Variants in EBPL observed in about 807,000 individuals in gnomAD.
The protein encoded by EBPL is EBP like.
A neutral mutation model predicts 19.0 loss-of-function variants in EBPL; 20 were observed. That is an observed-to-expected ratio of 1.05 (90% confidence interval 0.74 to 1.53). The LOEUF (loss-of-function observed/expected upper bound fraction) is 1.53, where lower values mean the gene tolerates loss of function less well. EBPL is among the 40% of genes most tolerant of loss of function. The pLI, the probability that EBPL is intolerant of heterozygous loss-of-function variation, is 0.00. For missense variants in EBPL, 219 were observed against 261.1 expected, an observed-to-expected ratio of 0.84 and a Z score of 1.11; for synonymous variants, 107 against 117.0, an observed-to-expected ratio of 0.91 and a Z score of 0.55.
chr13:49,676,451 G>A (rs1375967092), intron 1 of EBPL, among the ~76,000 whole-genome samples: 1 of 152,120 alleles, frequency 6.6e-6, no homozygotes, highest in Non-Finnish European at 1.5e-5. Flanking sequence ...AATTAGCCGG[G>A]CGTGGTGGCG....
chr13:49,688,855 C>G (rs903338599), intron 1 of EBPL, among the ~76,000 whole-genome samples: 23 of 151,920 alleles, frequency 1.5e-4, no homozygotes, highest in Non-Finnish European at 2.9e-4. Context: ...TCTGGGTATT[C>G]TTGCAATAAA....
intron 1 of EBPL, among the ~76,000 whole-genome samples, chr13:49,673,574 T>C (rs568954394): frequency 6.6e-6 from 1 of 152,084 alleles, no homozygotes; most frequent in Non-Finnish European, 1.5e-5. Flanking sequence ...GTAGCTGGGA[T>C]TACAGGAATG....
chr13:49,683,689 TAAA>T (rs1250840813), intron 1 of EBPL, among the ~76,000 whole-genome samples: 1 of 152,070 alleles, frequency 6.6e-6, no homozygotes, highest in East Asian at 1.9e-4. Context: ...AAAACAAAAG[TAAA>T]AAACACAAAA....
At chr13:49,678,369 C>A (rs549028330) in intron 1 of EBPL, among the ~76,000 whole-genome samples, 1 of 152,342 alleles carries the variant, frequency 6.6e-6, no homozygotes, top group East Asian at 1.9e-4. Context: ...TCGGACAGGT[C>A]GCTGCGGAGC....
chr13:49,671,984 C>T (rs904807181), intron 1 of EBPL, among the ~76,000 whole-genome samples: 1 of 152,048 alleles, frequency 6.6e-6, no homozygotes, highest in Admixed American at 6.5e-5. Flanking sequence ...GCCCTAACCC[C>T]CTTCTTCAAG....
chr13:49,688,718 CAAAAAAAAAAAA>C (rs56059575), intron 1 of EBPL, among the ~76,000 whole-genome samples: 1 of 95,446 alleles, frequency 1.0e-5, no homozygotes, highest in Admixed American at 1.2e-4. Context: ...GACTCCGTCT[CAAAAAAAAAAAA>C]AAAAAAAAAG....
intron 1 of EBPL, among the ~76,000 whole-genome samples, chr13:49,678,883 G>C (rs1307036515): frequency 6.6e-6 from 1 of 151,480 alleles, no homozygotes; most frequent in Non-Finnish European, 1.5e-5. Flanking sequence ...TGGGTGGCAC[G>C]CGCCTGTATT....
intron 1 of EBPL, among the ~76,000 whole-genome samples, chr13:49,690,755 T>A (rs1320560060): frequency 1.3e-5 from 2 of 152,156 alleles, no homozygotes; most frequent in African/African-American, 4.8e-5. Flanking sequence ...ATGGATGCTG[T>A]AAAGATCTGA....
At chr13:49,672,564 T>C (rs931345209) in intron 1 of EBPL, among the ~76,000 whole-genome samples, 1 of 152,016 alleles carries the variant, frequency 6.6e-6, no homozygotes, top group Non-Finnish European at 1.5e-5. Flanking sequence ...ATAAAAGGGA[T>C]AATAGAAAAC....
At chr13:49,661,665 C>T (rs1179280342) in intron 3 of EBPL, 20 of 885,394 alleles carry the variant, frequency 2.3e-5, no homozygotes, top group Non-Finnish European at 2.6e-5. Flanking sequence ...ATGCAAATAT[C>T]ACAAATGTTT....
At chr13:49,685,291 A>C (rs1953984560) in intron 1 of EBPL, among the ~76,000 whole-genome samples, 1 of 152,232 alleles carries the variant, frequency 6.6e-6, no homozygotes, top group Non-Finnish European at 1.5e-5. Flanking sequence ...ATATCCATAC[A>C]TATAAAATAC....
In EBPL at chr13:49,665,398, A is replaced by G. The variant is rs149735709; in HGVS notation, c.242-2203T>C. ...GCAATTCTCCTGCCTCAGCCTCCCA[A>G]GTAGCTAGGATTATAGGCACTCACC... is the stretch of plus-strand genomic sequence containing the variant. On this transcript the variant is annotated intron_variant, in intron 2 of 3. Coordinates refer to ENST00000242827, the MANE Select transcript of EBPL (RefSeq NM_032565.5). Among the ~76,000 whole-genome samples, 657 of 152,296 alleles carry G rather than the reference A, an allele frequency of 4.3e-3. 6 individuals carry two copies. Among genetic ancestry groups the G allele is most frequent in the African/African-American group, 0.015 (625 of 41,566 alleles).
intron 3 of EBPL, chr13:49,662,025 G>A (rs1185702063): frequency 2.1e-5 from 24 of 1,128,280 alleles, no homozygotes; most frequent in Non-Finnish European, 3.0e-5. Flanking sequence ...ACAGAGTCTC[G>A]CTCTGTCACC....
At position 49,691,319 on chromosome 13, in the gene EBPL, G is replaced by T; in HGVS notation, c.106C>A (p.Gln36Lys). 7.3e-7 allele frequency: 1 copy of T among 1,363,404 alleles called. No homozygotes were observed. The highest frequency in any genetic ancestry group is 1.9e-5 in the South Asian group (1 of 51,948). 84.5% of individuals were successfully genotyped at this position (1,363,404 alleles called of 1,614,324 possible). Reference sequence around the variant, plus strand: ...AGCGCCCCGCGGTCCGCCGCCCCCTGCCCGCGGCCCAGGCGCAGGCCCAGG... The same window carrying T: ...AGCGCCCCGCGGTCCGCCGCCCCCTTCCCGCGGCCCAGGCGCAGGCCCAGG... ...CALGLRLGRG[Q>K]GAADRGALIW... Residue 36 changes from glutamine (Q) to lysine (K), a missense_variant, in exon 1 of 4, where the codon CAG (glutamine) becomes AAG (lysine). Coordinates refer to ENST00000242827, the MANE Select transcript of EBPL (RefSeq NM_032565.5).
intron 1 of EBPL, among the ~76,000 whole-genome samples, chr13:49,670,515 A>G (rs912302518): frequency 2.0e-5 from 3 of 152,190 alleles, no homozygotes; most frequent in African/African-American, 7.2e-5. Flanking sequence ...GCTGGTCAAT[A>G]AAACTTTTTT....
At chr13:49,676,390 G>T (rs1001627057) in intron 1 of EBPL, among the ~76,000 whole-genome samples, 6 of 152,104 alleles carry the variant, frequency 3.9e-5, no homozygotes, top group African/African-American at 1.4e-4. Context: ...AGGAGATCGA[G>T]ACCATCCTGG....
At chr13:49,670,255 T>G (rs946065755) in intron 1 of EBPL, among the ~76,000 whole-genome samples, 4 of 152,164 alleles carry the variant, frequency 2.6e-5, no homozygotes, top group African/African-American at 9.7e-5. Flanking sequence ...TCTAAGATCT[T>G]AAAGAGAAAG....
At chr13:49,689,664 T>C (rs9526590) in intron 1 of EBPL, among the ~76,000 whole-genome samples, 109,524 of 150,460 alleles carry the variant, frequency 0.73, 39,555 homozygotes, top group East Asian at 0.84. Flanking sequence ...CATTTTTATA[T>C]ATATACATTC....
intron 1 of EBPL, among the ~76,000 whole-genome samples, chr13:49,682,522 G>T (rs774618258): frequency 2.6e-5 from 4 of 152,228 alleles, no homozygotes; most frequent in Non-Finnish European, 4.4e-5. Context: ...GCAAGTGCCA[G>T]GTGCCTTACA....
Sources: allele counts gnomAD v4.1 joint callset (sites outside exome capture counted in the v4.1 genomes callset), GRCh38; gene constraint gnomAD v4.1.1; transcripts MANE v1.5; gene names NCBI Gene and HGNC (gene_info 2026-07-23, HGNC 2026-07-21).